WDR37: variants seen among roughly 807,000 people sequenced by gnomAD.
WDR37 encodes the protein WD repeat-containing protein 37.
In WDR37, 19 loss-of-function variants were observed where a neutral mutation model predicts 62.9. That is an observed-to-expected ratio of 0.30 (90% CI 0.21 to 0.44). The LOEUF is 0.44. Among genes scored for constraint, WDR37 ranks in the 20% least tolerant of loss-of-function variants. WDR37 has a pLI of 1.00. For synonymous variants in WDR37, 250 were observed against 260.9 expected, an observed-to-expected ratio of 0.96 and a Z score of 0.40; for missense variants, 474 against 657.6, an observed-to-expected ratio of 0.72 and a Z score of 3.05.
chr10:1,063,519 C>G (rs1045086207), intron 1 of WDR37, among the ~76,000 whole-genome samples: 20 of 152,308 alleles, frequency 1.3e-4, no homozygotes, highest in African/African-American at 4.8e-4. Flanking sequence ...CCACTCATGA[C>G]AAGCTGGGAT....
At chr10:1,070,166 C>T (rs1209478083) in intron 1 of WDR37, among the ~76,000 whole-genome samples, 3 of 143,944 alleles carry the variant, frequency 2.1e-5, no homozygotes, top group Non-Finnish European at 4.5e-5. Context: ...TGAGATCGTG[C>T]AACTCCACTC....
intron 5 of WDR37, among the ~76,000 whole-genome samples, 159 bp from the exon 6 acceptor site, chr10:1,084,244 G>A (rs558371076): frequency 2.6e-5 from 4 of 152,176 alleles, no homozygotes; most frequent in Non-Finnish European, 5.9e-5. Flanking sequence ...TTCCACGCAG[G>A]GCGTTTCAGC....
At chr10:1,069,389 A>ATATATATATATATTTTTTTTTT in intron 1 of WDR37, among the ~76,000 whole-genome samples, 3 of 95,774 alleles carry the variant, frequency 3.1e-5, no homozygotes, top group African/African-American at 9.4e-5. Flanking sequence ...ATATATATAT[A>ATATATATATATATTTTTTTTTT]TTTTTTTTTT....
At chr10:1,125,221 G>GT (rs962100671) in intron 13 of WDR37, 197 bp downstream of exon 13, 31,199 of 472,484 alleles carry the variant, frequency 0.066, 2 homozygotes, top group Non-Finnish European at 0.077. Context: ...CTACTTCAGT[G>GT]TTTTTTTTTT....
At position 1,105,055 on chromosome 10, in the gene WDR37, T is replaced by G. The variant is rs1834960070; in HGVS notation, c.962-71T>G. 2 of 1,572,570 alleles carry G rather than the reference T, an allele frequency of 1.3e-6. No individual in the cohort carries two copies. The highest frequency in any genetic ancestry group is 1.7e-5 in the Admixed American group (1 of 58,058). On this transcript the variant is annotated intron_variant, in intron 10 of 13. Transcript: ENST00000263150. This position sits in a 1 kb window ranked among gnomAD's most constrained non-coding sequence, Gnocchi z 5.3. ...AGAGAGACGGCTTCTTGGGTTCTTG[T>G]GCTGTTGAAAAGCGTCTCTCTCAGC... is the stretch of plus-strand genomic sequence containing the variant.
intron 7 of WDR37, among the ~76,000 whole-genome samples, chr10:1,088,267 C>CT (rs548400048): frequency 2.2e-4 from 33 of 152,222 alleles, no homozygotes; most frequent in Non-Finnish European, 4.7e-4. Context: ...CCTTCGAGAA[C>CT]TTTTCCTTTG....
intron 3 of WDR37, 60 bp downstream of exon 3, chr10:1,078,063 G>C (rs1185082310): frequency 3.1e-6 from 4 of 1,305,480 alleles, no homozygotes; most frequent in Admixed American, 4.0e-5. Flanking sequence ...TCAAATTTAT[G>C]AATAGACATT....
intron 1 of WDR37, among the ~76,000 whole-genome samples, chr10:1,062,846 G>C (rs1439432177): frequency 6.6e-6 from 1 of 152,168 alleles, no homozygotes; most frequent in East Asian, 1.9e-4. Context: ...CAAGCACTTT[G>C]GGAGGCTGAG....
At chr10:1,089,055 G>A (rs1314880720) in intron 7 of WDR37, among the ~76,000 whole-genome samples, 1 of 152,126 alleles carries the variant, frequency 6.6e-6, no homozygotes, top group Non-Finnish European at 1.5e-5. Flanking sequence ...TGTTCCTCTC[G>A]CTTTCCCTTG....
chr10:1,090,620 C>T (rs1402990210), intron 7 of WDR37, among the ~76,000 whole-genome samples: 1 of 152,174 alleles, frequency 6.6e-6, no homozygotes, highest in Admixed American at 6.5e-5. Flanking sequence ...AGCAGACTCC[C>T]CGCTCTGGCC....
intron 11 of WDR37, among the ~76,000 whole-genome samples, chr10:1,123,147 T>C (rs1361605934): frequency 6.6e-6 from 1 of 152,186 alleles, no homozygotes; most frequent in African/African-American, 2.4e-5. Flanking sequence ...TTTCAACACA[T>C]TTGAATTAAA....
At chr10:1,111,049 A>G (rs899836379) in intron 11 of WDR37, among the ~76,000 whole-genome samples, 2 of 152,250 alleles carry the variant, frequency 1.3e-5, no homozygotes, top group Non-Finnish European at 2.9e-5. Context: ...TAGGCTGGAA[A>G]GTTATATGCA....
chr10:1,060,129 A>G (rs139965677), intron 1 of WDR37, among the ~76,000 whole-genome samples: 9 of 152,330 alleles, frequency 5.9e-5, no homozygotes, highest in African/African-American at 1.7e-4. Flanking sequence ...ATGAGCCATC[A>G]TGCCTGGCCC....
intron 13 of WDR37, among the ~76,000 whole-genome samples, chr10:1,128,888 C>T (rs1410700598): frequency 6.8e-6 from 1 of 147,774 alleles, no homozygotes; most frequent in African/African-American, 2.5e-5. Flanking sequence ...GGTGGTCCTG[C>T]TCAGTGGTCC....
At chr10:1,072,341 CAG>C in intron 2 of WDR37, 48 bp downstream of exon 2, 5 of 1,601,550 alleles carry the variant, frequency 3.1e-6, no homozygotes, top group Middle Eastern at 1.7e-4. Context: ...ATTTTTGAGA[CAG>C]AGTTTCGCTC....
At chr10:1,066,998 C>G (rs929989990) in intron 1 of WDR37, among the ~76,000 whole-genome samples, 4 of 152,306 alleles carry the variant, frequency 2.6e-5, no homozygotes, top group African/African-American at 9.6e-5. Flanking sequence ...TCAGTTACCT[C>G]CCACTGGGTC....
chr10:1,114,214 C>G (rs1835313088), intron 11 of WDR37, among the ~76,000 whole-genome samples: 4 of 152,182 alleles, frequency 2.6e-5, no homozygotes, highest in Admixed American at 2.0e-4. Flanking sequence ...GCCTTGGCCT[C>G]CCAAAGTGCT....
At chr10:1,095,098 C>T (rs1449057231) in intron 8 of WDR37, among the ~76,000 whole-genome samples, 5 of 138,544 alleles carry the variant, frequency 3.6e-5, no homozygotes, top group Admixed American at 2.2e-4. Context: ...GAGGGTTAGA[C>T]TTGGAAACGT....
At chr10:1,059,295 G>A (rs893119457) in intron 1 of WDR37, among the ~76,000 whole-genome samples, 10 of 152,100 alleles carry the variant, frequency 6.6e-5, no homozygotes, top group African/African-American at 2.4e-4. Flanking sequence ...AGAATCACTT[G>A]AACTCAGGAG....
Sources: allele counts gnomAD v4.1 joint callset (sites outside exome capture counted in the v4.1 genomes callset), GRCh38; gene constraint gnomAD v4.1.1; non-coding constraint Gnocchi (gnomAD v3.1); transcripts MANE v1.5; gene names NCBI Gene and HGNC (gene_info 2026-07-23, HGNC 2026-07-21).